SH3D19: variants seen among roughly 807,000 people sequenced by gnomAD.
The protein encoded by SH3D19 is SH3 domain-containing protein 19.
In SH3D19, 58 loss-of-function variants were observed where a neutral mutation model predicts 112.1. That is an observed-to-expected ratio of 0.52 (90% CI 0.42 to 0.64). SH3D19 has a LOEUF of 0.64. SH3D19 is among the 30% of genes least tolerant of loss of function. The pLI is 0.00. For synonymous variants in SH3D19, 391 were observed against 448.5 expected (o/e 0.87, Z 1.62); for missense variants, 1,090 against 1,263.4 (o/e 0.86, Z 2.08).
intron 1 of SH3D19, among the ~76,000 whole-genome samples, chr4:151,263,324 T>C (rs1052570577): frequency 1.3e-5 from 2 of 152,160 alleles, no homozygotes; most frequent in African/African-American, 4.8e-5. Flanking sequence ...AGAGGTTAGT[T>C]TGCCACTTAC....
chr4:151,143,864 T>C, intron 12 of SH3D19, 46 bp downstream of exon 12: 2 of 1,558,274 alleles, frequency 1.3e-6, no homozygotes, highest in Non-Finnish European at 8.7e-7. Flanking sequence ...CCATGAAATG[T>C]GCTGCTATGT....
At chr4:151,168,051 A>G (rs1314087115) in intron 7 of SH3D19, among the ~76,000 whole-genome samples, 2 of 152,248 alleles carry the variant, frequency 1.3e-5, no homozygotes, top group Non-Finnish European at 2.9e-5. Flanking sequence ...ACACTATTTT[A>G]GGTGCTGGGA....
chr4:151,142,933 ACT>A (rs1161709494), intron 12 of SH3D19, among the ~76,000 whole-genome samples: 1 of 152,200 alleles, frequency 6.6e-6, no homozygotes, highest in Non-Finnish European at 1.5e-5. Context: ...AGAACTTTGC[ACT>A]GTTATAAAAG....
intron 1 of SH3D19, among the ~76,000 whole-genome samples, chr4:151,297,714 A>G (rs1417631457): frequency 6.6e-6 from 1 of 152,216 alleles, no homozygotes; most frequent in Non-Finnish European, 1.5e-5. Flanking sequence ...AAGCAGAGAA[A>G]TCAAATGGTA....
chr4:151,148,998 A>C (rs1346120142), intron 10 of SH3D19, among the ~76,000 whole-genome samples: 2 of 152,302 alleles, frequency 1.3e-5, no homozygotes, highest in East Asian at 3.9e-4. Context: ...AGATCGCGCC[A>C]CTGTACTCCA....
At chr4:151,144,411 T>G in intron 11 of SH3D19, 1 of 825,270 alleles carries the variant, frequency 1.2e-6, no homozygotes, top group Non-Finnish European at 2.1e-6. Context: ...TAAACTCACC[T>G]GGCTTCATCG....
At chr4:151,249,095 AC>A (rs1423660781) in intron 1 of SH3D19, among the ~76,000 whole-genome samples, 2 of 152,162 alleles carry the variant, frequency 1.3e-5, no homozygotes, top group Non-Finnish European at 2.9e-5. Context: ...CAACTATAAA[AC>A]ACTCAAGGGT....
chr4:151,191,893 C>T (rs1346415656), intron 2 of SH3D19, among the ~76,000 whole-genome samples: 3 of 150,756 alleles, frequency 2.0e-5, no homozygotes, highest in African/African-American at 7.3e-5. Flanking sequence ...GATCTTCCCA[C>T]CTCGGCCTCC....
At position 151,322,810 on chromosome 4, in the gene SH3D19, G is replaced by GTCAT. The variant is rs562869927; in HGVS notation, c.112+2427_112+2430dup. Among the ~76,000 whole-genome samples the GTCAT allele has an allele frequency of 7.1e-4, 108 of 152,236 alleles. No individual in the cohort carries two copies. In the East Asian group the frequency reaches 0.019, roughly 26 times the overall value. On this transcript the variant is annotated intron_variant, in intron 1 of 19. Coordinates refer to ENST00000604030, the MANE Select transcript of SH3D19 (RefSeq NM_001378122.1). ...CATTCCAGACATTTCATAATCTCAA[G>GTCAT]TCATTACTTGCTTTCTGCTGGGTTG...
intron 8 of SH3D19, 33 bp from the exon 9 acceptor site, chr4:151,159,385 T>C: frequency 4.6e-6 from 6 of 1,296,436 alleles, no homozygotes; most frequent in Non-Finnish European, 6.5e-6. Context: ...ATCAATAATT[T>C]CTAGTTTCTG....
chr4:151,223,813 C>T (rs7439970), intron 2 of SH3D19, among the ~76,000 whole-genome samples: 111,390 of 152,058 alleles, frequency 0.73, 43,939 homozygotes, highest in Non-Finnish European at 0.89. Context: ...AACCTGACTA[C>T]GCATCAGAAT....
intron 2 of SH3D19, among the ~76,000 whole-genome samples, chr4:151,220,709 T>C (rs1767879577): frequency 6.6e-6 from 1 of 152,192 alleles, no homozygotes; most frequent in African/African-American, 2.4e-5. Flanking sequence ...TAAATTCAAA[T>C]AAATTTTTAA....
intron 2 of SH3D19, among the ~76,000 whole-genome samples, chr4:151,213,774 G>A (rs761151001): frequency 6.6e-5 from 10 of 151,766 alleles, no homozygotes; most frequent in Non-Finnish European, 1.5e-4. Context: ...CAAACTCCTA[G>A]GCTCAGGGCT....
chr4:151,253,930 T>C (rs998157682), intron 1 of SH3D19, among the ~76,000 whole-genome samples: 2 of 152,214 alleles, frequency 1.3e-5, no homozygotes, highest in African/African-American at 4.8e-5. Context: ...CAAATGAGGT[T>C]TCCTGGACTT....
intron 7 of SH3D19, among the ~76,000 whole-genome samples, chr4:151,171,207 T>A (rs1758978884): frequency 6.6e-6 from 1 of 152,146 alleles, no homozygotes; most frequent in South Asian, 2.1e-4. Context: ...TAATGGCTAT[T>A]TTCTTTTTTT....
chr4:151,291,428 G>C lies in SH3D19; in HGVS notation c.112+33813C>G, dbSNP rs139243794. 1.4e-3 allele frequency: 2,248 copies of C among 1,612,792 alleles called. 29 individuals are homozygous for C. The African/African-American group carries it at 0.025, about 18-fold the overall frequency. Reference sequence around the variant, plus strand: ...ATACAGGGCTGGGAAGAGAATGCATGGAGATTTAGTCCCAGGGGCAGATAA... The same window carrying C: ...ATACAGGGCTGGGAAGAGAATGCATCGAGATTTAGTCCCAGGGGCAGATAA... On this transcript the variant is annotated intron_variant, in intron 1 of 19. Transcript: ENST00000604030.
intron 1 of SH3D19, among the ~76,000 whole-genome samples, chr4:151,308,153 A>G (rs371356725): frequency 8.6e-5 from 13 of 151,990 alleles, no homozygotes; most frequent in African/African-American, 2.2e-4. Context: ...TGATCCACCC[A>G]CCTCGGCCTC....
intron 2 of SH3D19, among the ~76,000 whole-genome samples, chr4:151,213,996 T>C (rs1442684424): frequency 6.6e-6 from 1 of 150,436 alleles, no homozygotes; most frequent in East Asian, 2.0e-4. Context: ...CTGGTTTTCC[T>C]AGGCAGAGGA....
intron 1 of SH3D19, chr4:151,259,424 G>C (rs1209705487): frequency 6.6e-6 from 1 of 152,350 alleles, no homozygotes; most frequent in Non-Finnish European, 1.5e-5. Context: ...TGAGGGTGGA[G>C]GGGCAGGATT....
Sources: allele counts gnomAD v4.1 joint callset (sites outside exome capture counted in the v4.1 genomes callset), GRCh38; gene constraint gnomAD v4.1.1; transcripts MANE v1.5; gene names NCBI Gene and HGNC (gene_info 2026-07-23, HGNC 2026-07-21).